DTX2: variants seen among roughly 807,000 people sequenced by gnomAD.
DTX2 encodes probable E3 ubiquitin-protein ligase DTX2.
A neutral mutation model predicts 55.3 loss-of-function variants in DTX2; 29 were observed. That is an observed-to-expected ratio of 0.52 (90% CI 0.39 to 0.71). The LOEUF (loss-of-function observed/expected upper bound fraction) is 0.71, where lower values mean the gene tolerates loss of function less well. DTX2 is among the 30% of genes least tolerant of loss of function. The pLI, the probability that DTX2 is intolerant of heterozygous loss-of-function variation, is 0.00. For synonymous variants in DTX2, 276 were observed against 340.4 expected, an observed-to-expected ratio of 0.81 and a Z score of 2.08; for missense variants, 537 against 822.5, an observed-to-expected ratio of 0.65 and a Z score of 4.25.
At chr7:76,475,369 AC>A (rs1486715558) in intron 2 of DTX2, among the ~76,000 whole-genome samples, 1 of 150,808 alleles carries the variant, frequency 6.6e-6, no homozygotes, top group Non-Finnish European at 1.5e-5. Context: ...CTATTTTAGA[AC>A]ATTTGCAAGT....
rs534206398 is a variant in DTX2 at position 76,505,920 on chromosome 7, C to T, written c.*319C>T. On this transcript the variant is annotated 3_prime_UTR_variant, in exon 11 of 11. Coordinates refer to ENST00000430490, the MANE Select transcript of DTX2 (RefSeq NM_001102594.3). This position sits in a 1 kb window ranked among gnomAD's most constrained non-coding sequence, Gnocchi z 4.4. ...TGGGGCGAGTAGAGACTTCCCCAGC[C>T]TGGACGGGCGTGGGTTCTGGGTCAG... The T allele has an allele frequency of 1.9e-6, 1 of 520,408 alleles. No homozygotes were observed. The highest frequency in any genetic ancestry group is 2.3e-5 in the South Asian group (1 of 42,828). The allele number at this position is 520,408 out of a possible 1,614,324, so 32.2% of individuals were successfully genotyped here.
chr7:76,502,495 C>T (rs6963784), intron 8 of DTX2, 39 bp downstream of exon 8: 1 of 1,598,018 alleles, frequency 6.3e-7, no homozygotes, highest in East Asian at 2.2e-5. Context: ...GGTGGCCCGC[C>T]CCCACAGTCC....
Position 76,497,920 on chromosome 7 carries a change from GA to G in DTX2, c.1150+444del, listed in dbSNP as rs1318033003. 3.3e-5 allele frequency among the ~76,000 whole-genome samples: 5 copies of G among 150,636 alleles called. No individual in the cohort carries two copies. In the South Asian group the frequency reaches 6.4e-4, roughly 19 times the overall value. On this transcript the variant is annotated intron_variant, in intron 6 of 10. Transcript: ENST00000430490. ...TGTGGCCGCCACGTGGGCTGCTTGAGAGGGGTCCCTCGGTGACCCCTGCCCT... is the reference window on the plus strand; with the variant it reads ...TGTGGCCGCCACGTGGGCTGCTTGAGGGGGTCCCTCGGTGACCCCTGCCCT...
At chr7:76,503,373 G>A in intron 8 of DTX2, 53 bp from the exon 9 acceptor site, 2 of 1,583,470 alleles carry the variant, frequency 1.3e-6, no homozygotes, top group Non-Finnish European at 1.7e-6. Flanking sequence ...GGAGGTGACG[G>A]TCTTGGGTGT....
intron 1 of DTX2, chr7:76,463,327 G>T (rs1345203299): frequency 6.6e-6 from 1 of 151,900 alleles, no homozygotes; most frequent in African/African-American, 2.4e-5. Flanking sequence ...GGGTTTTTTT[G>T]TTTGTTTGCT....
chr7:76,498,828 A>G (rs182560727), intron 6 of DTX2, among the ~76,000 whole-genome samples: 760 of 85,160 alleles, frequency 8.9e-3, no homozygotes, highest in South Asian at 0.022. Flanking sequence ...TGGGGTGTGT[A>G]GAGGTGAGGG....
intron 2 of DTX2, among the ~76,000 whole-genome samples, chr7:76,469,466 C>T (rs187946371): frequency 1.4e-5 from 2 of 144,048 alleles, no homozygotes; most frequent in African/African-American, 5.1e-5. Flanking sequence ...AATCTTGGCT[C>T]ACTGCAACCT....
intron 10 of DTX2, among the ~76,000 whole-genome samples, chr7:76,504,720 G>T (rs1308280576): frequency 2.0e-5 from 3 of 152,196 alleles, no homozygotes; most frequent in African/African-American, 7.2e-5. Flanking sequence ...AGGGACCGGG[G>T]GCTGTGTTAG....
At position 76,480,442 on chromosome 7, in the gene DTX2, A is replaced by G. The variant is rs1809045342; in HGVS notation, c.-68A>G. On this transcript the variant is annotated 5_prime_UTR_variant, in exon 3 of 11. The change abolishes an upstream ATG in the 5' untranslated region. Coordinates refer to ENST00000430490, the MANE Select transcript of DTX2 (RefSeq NM_001102594.3). ...ACAGATCTGCCGGAGGCGCTGGGCA[A>G]TGACCCCGGGACTCCAGGCCAGAGG... 3.4e-6 allele frequency: 5 copies of G among 1,469,044 alleles called. No individual in the cohort carries two copies. Among genetic ancestry groups the G allele is most frequent in the African/African-American group, 2.8e-5 (2 of 70,794 alleles). 91.0% of individuals were successfully genotyped at this position (1,469,044 alleles called of 1,614,324 possible).
chr7:76,480,029 C>G (rs1363328319), intron 2 of DTX2, among the ~76,000 whole-genome samples: 2 of 132,870 alleles, frequency 1.5e-5, no homozygotes, highest in African/African-American at 6.1e-5. Flanking sequence ...AAGCGTGAGA[C>G]CAGGCGCGGT....
chr7:76,471,979 C>A (rs941522483), intron 2 of DTX2: 1 of 149,282 alleles, frequency 6.7e-6, no homozygotes, highest in Non-Finnish European at 1.5e-5. Context: ...CCCTTCCGGC[C>A]ACCCACTGTG....
chr7:76,498,845 G>GA, intron 6 of DTX2, among the ~76,000 whole-genome samples: 1 of 131,152 alleles, frequency 7.6e-6, no homozygotes, highest in South Asian at 2.5e-4. Context: ...AGGGTGTGTG[G>GA]GGTGTGTGGA....
rs1812278773 is a variant in DTX2, at chr7:76,505,746, CT to C, written c.*146del. The C allele has an allele frequency of 1.2e-6, 1 of 823,488 alleles. No individual in the cohort carries two copies. Among genetic ancestry groups the C allele is most frequent in the Non-Finnish European group, 1.9e-6 (1 of 526,688 alleles). The allele number at this position is 823,488 out of a possible 1,614,324, so 51.0% of individuals were successfully genotyped here. On this transcript the variant is annotated 3_prime_UTR_variant, in exon 11 of 11. Transcript: ENST00000430490. This position sits in a 1 kb window ranked among gnomAD's most constrained non-coding sequence, Gnocchi z 4.4. ...GCCCCACCTGAAGCCGGGGCTCCCC[CT>C]GCCTGCCTCTCTCTCCTCCTCCCCT...
intron 2 of DTX2, among the ~76,000 whole-genome samples, chr7:76,464,222 G>A (rs532091892): frequency 3.6e-3 from 537 of 147,322 alleles, no homozygotes; most frequent in African/African-American, 0.013. Context: ...GGAGGAGTAG[G>A]ACTTAGAAAG....
intron 3 of DTX2, among the ~76,000 whole-genome samples, chr7:76,481,543 C>A (rs1809215308): frequency 6.6e-6 from 1 of 152,110 alleles, no homozygotes; most frequent in African/African-American, 2.4e-5. Flanking sequence ...CCTCTCGGAG[C>A]CATCCCTTAC....
At chr7:76,469,293 A>G (rs1807584364) in intron 2 of DTX2, among the ~76,000 whole-genome samples, 2 of 143,586 alleles carry the variant, frequency 1.4e-5, no homozygotes. Flanking sequence ...TAGGTAGATC[A>G]TGGATCTAGG....
At chr7:76,475,063 T>G (rs1317830825) in intron 2 of DTX2, 11 of 151,858 alleles carry the variant, frequency 7.2e-5, no homozygotes, top group Admixed American at 5.9e-4. Flanking sequence ...TCCCAGCACT[T>G]TGGAAGGCCA....
In DTX2 at chr7:76,482,904, C is replaced by T; in HGVS notation, c.665C>T (p.Pro222Leu). ...GRYRHSMTNLPAYPVPQHPPH... is the reference protein window; with the variant it reads ...GRYRHSMTNLLAYPVPQHPPH... ...TACCGCCACTCCATGACCAACCTCC[C>T]TGCATACCCCGTCCCCCAGCACCCC... The change falls in exon 4 of 11, where the codon CCT (proline) becomes CTT (leucine). Residue 222 changes from proline to leucine, a missense_variant. Coordinates refer to ENST00000430490, the MANE Select transcript of DTX2 (RefSeq NM_001102594.3). The T allele has an allele frequency of 6.2e-7, 1 of 1,613,876 alleles. No homozygotes were observed. The highest frequency in any genetic ancestry group is 2.2e-5 in the East Asian group (1 of 44,872).
At chr7:76,477,307 A>G (rs1008793384) in intron 2 of DTX2, 2 of 143,276 alleles carry the variant, frequency 1.4e-5, no homozygotes, top group Admixed American at 1.4e-4. Context: ...CTGTGTTCTC[A>G]TGCTGTGTAC....
Sources: allele counts gnomAD v4.1 joint callset (sites outside exome capture counted in the v4.1 genomes callset), GRCh38; gene constraint gnomAD v4.1.1; non-coding constraint Gnocchi (gnomAD v3.1); transcripts MANE v1.5; gene names NCBI Gene and HGNC (gene_info 2026-07-23, HGNC 2026-07-21).